Variants in CEP44 observed in about 807,000 individuals in gnomAD.
CEP44 encodes centrosomal protein of 44 kDa.
Under a neutral mutation model 46.7 loss-of-function variants are expected in CEP44, and 45 were observed. That is an observed-to-expected ratio of 0.96 (90% CI 0.76 to 1.24). CEP44 has a LOEUF of 1.24. Among genes scored for constraint, CEP44 ranks in the 50% most tolerant of loss-of-function variants. CEP44 has a pLI of 0.00. For missense variants in CEP44, 475 were observed against 459.7 expected, an observed-to-expected ratio of 1.03 and a Z score of -0.30; for synonymous variants, 142 against 146.0, an observed-to-expected ratio of 0.97 and a Z score of 0.20.
At chr4:174,305,327 G>A (rs1740259361) in intron 6 of CEP44, among the ~76,000 whole-genome samples, 1 of 152,102 alleles carries the variant, frequency 6.6e-6, no homozygotes, top group African/African-American at 2.4e-5. Context: ...GGTAGCTGGT[G>A]CCTGTAACCC....
chr4:174,313,987 A>G (rs1030332621), intron 9 of CEP44, among the ~76,000 whole-genome samples: 21 of 152,218 alleles, frequency 1.4e-4, no homozygotes, highest in Non-Finnish European at 2.6e-4. Context: ...TTGGTCCTTG[A>G]TTTAGAAGTA....
Position 174,318,530 on chromosome 4 carries a change from A to T in CEP44, c.*1147A>T, listed in dbSNP as rs1741987705. The T allele has an allele frequency of 1.1e-6, 1 of 881,274 alleles. No individual in the cohort carries two copies. Among genetic ancestry groups the T allele is most frequent in the Non-Finnish European group, 1.4e-6 (1 of 735,592 alleles). The allele number at this position is 881,274 out of a possible 1,614,324, so 54.6% of individuals were successfully genotyped here. A position where few individuals can be genotyped will look rare whatever the true frequency, so the allele number is the denominator to read the frequency against. On this transcript the variant is annotated 3_prime_UTR_variant, in exon 12 of 12. Transcript: ENST00000503780. ...ACTACTATATGAATTATCTTTTTTT[A>T]AACTTGTAGATAAAAGTGTTCCAGT...
downstream of CEP44, among the ~76,000 whole-genome samples, chr4:174,325,066 A>C (rs1742574644): frequency 6.6e-6 from 1 of 152,156 alleles, no homozygotes; most frequent in South Asian, 2.1e-4. This position sits in a 1 kb window ranked among gnomAD's most constrained non-coding sequence, Gnocchi z 4.4. Flanking sequence ...GGTGATTAAA[A>C]CAGTGTGTAA....
At position 174,302,135 on chromosome 4, in the gene CEP44, T is replaced by C. The variant is rs1170509250; in HGVS notation, c.186T>C (p.Asn62=). The stretch of plus-strand genomic sequence containing the variant: ...TAACAGAACTTATAATGGAATCCAA[T>C]GTAGAGCTCATAGCAAAAAATGACT... ...PYVTELIMES[N]VELIAKNDLR... The change falls in exon 4 of 12, where the codon AAT becomes AAC. Residue 62 remains asparagine, a synonymous_variant. Coordinates refer to ENST00000503780, the MANE Select transcript of CEP44 (RefSeq NM_001040157.3). The C allele has an allele frequency of 2.5e-6, 4 of 1,610,896 alleles. No homozygotes were observed. The highest frequency in any genetic ancestry group is 1.1e-5 in the South Asian group (1 of 90,290).
In CEP44 at chr4:174,318,301, G is replaced by A; in HGVS notation, c.*918G>A. 1 of 983,360 alleles carries A rather than the reference G, an allele frequency of 1.0e-6. No individual in the cohort carries two copies. Among genetic ancestry groups the A allele is most frequent in the South Asian group, 4.7e-5 (1 of 21,240 alleles). The allele number at this position is 983,360 out of a possible 1,614,324, so 60.9% of individuals were successfully genotyped here. A position where few individuals can be genotyped will look rare whatever the true frequency, so the allele number is the denominator to read the frequency against. ...TGGTCTCAAACTCCTGACCTCAGGT[G>A]ATCTGCCTGTCTTGGCCTCCGGCGT... On this transcript the variant is annotated 3_prime_UTR_variant, in exon 12 of 12. Coordinates refer to ENST00000503780, the MANE Select transcript of CEP44 (RefSeq NM_001040157.3).
In CEP44 at chr4:174,288,474, C is replaced by G. The variant is rs1232055252; in HGVS notation, c.-148+4531C>G. Among the ~76,000 whole-genome samples, 2 of 152,100 alleles carry G rather than the reference C, an allele frequency of 1.3e-5. No individual in the cohort carries two copies. Among genetic ancestry groups the G allele is most frequent in the Non-Finnish European group, 2.9e-5 (2 of 68,012 alleles). On this transcript the variant is annotated intron_variant, in intron 1 of 11. Coordinates refer to ENST00000503780, the MANE Select transcript of CEP44 (RefSeq NM_001040157.3). The surrounding 1 kb of genome is among the most constrained non-coding windows in gnomAD (Gnocchi z 4.6). ...CTTACAACCACCATTCTATTCTCTG[C>G]TTGCATGTATTTGACTATTTTAGAT...
At position 174,310,479 on chromosome 4, in the gene CEP44, A is replaced by C. The variant is rs1223323310; in HGVS notation, c.886-304A>C. Among the ~76,000 whole-genome samples the C allele has an allele frequency of 6.6e-6, 1 of 151,930 alleles. No homozygotes were observed. The highest frequency in any genetic ancestry group is 6.6e-5 in the Admixed American group (1 of 15,238). On this transcript the variant is annotated intron_variant, in intron 8 of 11. Transcript: ENST00000503780. The surrounding 1 kb of genome is among the most constrained non-coding windows in gnomAD (Gnocchi z 4.2). ...TCAATCATATTGTGAATTTCATAGA[A>C]TAGTTACCAGATTTACCATTGCCTT... is the stretch of plus-strand genomic sequence containing the variant.
Position 174,317,353 on chromosome 4 carries a change from G to A in CEP44, c.1143G>A (p.Glu381=). The A allele has an allele frequency of 1.4e-6, 2 of 1,404,762 alleles. No individual in the cohort carries two copies. The highest frequency in any genetic ancestry group is 1.9e-6 in the Non-Finnish European group (2 of 1,053,070). The allele number at this position is 1,404,762 out of a possible 1,614,324, so 87.0% of individuals were successfully genotyped here. The change falls in exon 12 of 12, where the codon GAG becomes GAA. Residue 381 remains glutamate, a synonymous_variant. Coordinates refer to ENST00000503780, the MANE Select transcript of CEP44 (RefSeq NM_001040157.3). ...RMKKMFEETA[E]LLKCPNHYL is the part of the protein sequence containing the mutation. ...ATTTCAGGTTTGAAGAAACTGCAGA[G>A]TTACTGAAATGTCCAAATCACTACT...
In CEP44 at chr4:174,314,690, T is replaced by C. The variant is rs1175603406; in HGVS notation, c.962-1476T>C. On this transcript the variant is annotated intron_variant, in intron 9 of 11. Transcript: ENST00000503780. This position sits in a 1 kb window ranked among gnomAD's most constrained non-coding sequence, Gnocchi z 4.1. ...CCGAAATGTTCAGGACAACTATCTG[T>C]ACCCACAGAAAAAAATCCAAGATTT... Among the ~76,000 whole-genome samples the C allele has an allele frequency of 6.6e-6, 1 of 152,234 alleles. No homozygotes were observed.
At position 174,316,727 on chromosome 4, in the gene CEP44, A is replaced by G. The variant is rs576809069; in HGVS notation, c.1124+160A>G. The G allele has an allele frequency of 2.8e-4, 160 of 561,508 alleles. 1 individual carries two copies. The highest frequency in any genetic ancestry group is 2.8e-3 in the African/African-American group (140 of 50,628). 34.8% of individuals were successfully genotyped at this position (561,508 alleles called of 1,614,324 possible). A position where few individuals can be genotyped will look rare whatever the true frequency, so the allele number is the denominator to read the frequency against. On this transcript the variant is annotated intron_variant, in intron 11 of 11. Coordinates refer to ENST00000503780, the MANE Select transcript of CEP44 (RefSeq NM_001040157.3). ...TCCACTGGATAATAAATCCACCTAC[A>G]GTTATGTGTTTGTGAGATGAGTCAC...
At chr4:174,298,789 C>T (rs564804834) in intron 2 of CEP44, among the ~76,000 whole-genome samples, 1 of 151,484 alleles carries the variant, frequency 6.6e-6, no homozygotes, top group Admixed American at 6.6e-5. Flanking sequence ...TAAAAAAAAA[C>T]TATTTGGGCA....
In CEP44 at chr4:174,303,833, T is replaced by C; in HGVS notation, c.368T>C (p.Leu123Ser). ...LNCVMKKHKE[L>S]SSLQKIPSQQ... ...TGTGTGATGAAAAAGCACAAGGAAT[T>C]AAGCAGTCTTCAGAAGGTAATTTTA... is the stretch of plus-strand genomic sequence containing the variant. Residue 123 changes from leucine to serine, a missense_variant, in exon 5 of 12, where the codon TTA becomes TCA. Coordinates refer to ENST00000503780, the MANE Select transcript of CEP44 (RefSeq NM_001040157.3). The C allele has an allele frequency of 6.4e-7, 1 of 1,561,678 alleles. No individual in the cohort carries two copies. The highest frequency in any genetic ancestry group is 1.2e-5 in the South Asian group (1 of 84,424).
At position 174,319,977 on chromosome 4, in the gene CEP44, A is replaced by C. The variant is rs10565; in HGVS notation, c.*2594A>C. The C allele has an allele frequency of 2.0e-6, 2 of 983,968 alleles. No individual in the cohort carries two copies. The highest frequency in any genetic ancestry group is 3.5e-5 in the African/African-American group (2 of 57,216). 61.0% of individuals were successfully genotyped at this position (983,968 alleles called of 1,614,324 possible). On this transcript the variant is annotated 3_prime_UTR_variant, in exon 12 of 12. Coordinates refer to ENST00000503780, the MANE Select transcript of CEP44 (RefSeq NM_001040157.3). ...TTCTGAAGAGATTACCTAGAGCTAC[A>C]TAACCCTAAGTTAAGTAAAATTTTC...
intron 7 of CEP44, 85 bp downstream of exon 7, chr4:174,308,944 T>A: frequency 8.8e-7 from 1 of 1,139,120 alleles, no homozygotes; most frequent in Non-Finnish European, 1.3e-6. Flanking sequence ...CTTTGGAATA[T>A]TTCTAGCCTT....
rs56201469 is a variant in CEP44, at chr4:174,291,787, C to CTTTTTTTTTTTTTTT, written c.-147-6168_-147-6154dup. 7.3e-4 allele frequency among the ~76,000 whole-genome samples: 34 copies of CTTTTTTTTTTTTTTT among 46,408 alleles called. 2 individuals carry two copies. Among genetic ancestry groups the CTTTTTTTTTTTTTTT allele is most frequent in the South Asian group, 2.6e-3 (2 of 760 alleles). The allele number at this position is 46,408 out of a possible 152,430, so 30.4% of individuals were successfully genotyped here. On this transcript the variant is annotated intron_variant, in intron 1 of 11. Coordinates refer to ENST00000503780, the MANE Select transcript of CEP44 (RefSeq NM_001040157.3). The stretch of plus-strand genomic sequence containing the variant: ...CTTTATTCTTTTATCTTTTTCTTTT[C>CTTTTTTTTTTTTTTT]TTTTTTTTTTTTTTTTTTTTTTTTT...
At position 174,301,233 on chromosome 4, in the gene CEP44, C is replaced by A. The variant is rs549921156; in HGVS notation, c.90-806C>A. Among the ~76,000 whole-genome samples, 9 of 152,154 alleles carry A rather than the reference C, an allele frequency of 5.9e-5. No individual in the cohort carries two copies. Among genetic ancestry groups the A allele is most frequent in the African/African-American group, 1.9e-4 (8 of 41,514 alleles). ...ACTGCAATTGAACAAATGTAACTGG[C>A]AAATTGAACAAATACCTCCTGTGCT... On this transcript the variant is annotated intron_variant, in intron 3 of 11. Coordinates refer to ENST00000503780, the MANE Select transcript of CEP44 (RefSeq NM_001040157.3). This position sits in a 1 kb window ranked among gnomAD's most constrained non-coding sequence, Gnocchi z 4.3.
At chr4:174,284,245 C>T (rs1188043246) in intron 1 of CEP44, 1 of 396,586 alleles carries the variant, frequency 2.5e-6, no homozygotes, top group African/African-American at 2.1e-5. Context: ...ACCAGATCCG[C>T]CTTTTCATTC....
At chr4:174,315,283 A>G (rs1212968380) in intron 9 of CEP44, among the ~76,000 whole-genome samples, 2 of 151,914 alleles carry the variant, frequency 1.3e-5, no homozygotes, top group Non-Finnish European at 2.9e-5. Context: ...TCTGACTGAA[A>G]CACAGGGTTT....
rs70947423 is a variant in CEP44 at position 174,297,651 on chromosome 4, A to AGTGT, written c.-147-284_-147-281dup. Among the ~76,000 whole-genome samples the AGTGT allele has an allele frequency of 0.11, 16,094 of 148,916 alleles. 967 individuals carry two copies. The highest frequency in any genetic ancestry group is 0.33 in the East Asian group (1,670 of 4,988). On this transcript the variant is annotated intron_variant, in intron 1 of 11. Coordinates refer to ENST00000503780, the MANE Select transcript of CEP44 (RefSeq NM_001040157.3). The surrounding 1 kb of genome is among the most constrained non-coding windows in gnomAD (Gnocchi z 4.3). ...CTGAGATATAGGAAGAAACTTTATTAGTGTGTGTGTGTGTGTGTGTGTGTG... is the reference window on the plus strand; with the variant it reads ...CTGAGATATAGGAAGAAACTTTATTAGTGTGTGTGTGTGTGTGTGTGTGTGTGTG...
Sources: allele counts gnomAD v4.1 joint callset (sites outside exome capture counted in the v4.1 genomes callset), GRCh38; gene constraint gnomAD v4.1.1; non-coding constraint Gnocchi (gnomAD v3.1); transcripts MANE v1.5; gene names NCBI Gene and HGNC (gene_info 2026-07-23, HGNC 2026-07-21).